The following SMARCAD1 variants were observed in gnomAD, a reference collection of about 807,000 sequenced individuals.
The protein encoded by SMARCAD1 is SWI/SNF-related matrix-associated actin-dependent regulator of chromatin subfamily A containing DEAD/H box 1.
In SMARCAD1, 25 loss-of-function variants were observed where a neutral mutation model predicts 127.1. That is an observed-to-expected ratio of 0.20 (90% CI 0.14 to 0.27). SMARCAD1 has a LOEUF of 0.27. Ranked by LOEUF, SMARCAD1 falls within the 10% of genes least tolerant of loss-of-function variation. SMARCAD1 has a pLI of 1.00. For synonymous variants in SMARCAD1, 400 were observed against 396.9 expected, an observed-to-expected ratio of 1.01 and a Z score of -0.09; for missense variants, 807 against 1,206.0, an observed-to-expected ratio of 0.67 and a Z score of 4.90.
At chr4:94,264,251 T>C (rs1300418881) in intron 9 of SMARCAD1, among the ~76,000 whole-genome samples, 1 of 151,948 alleles carries the variant, frequency 6.6e-6, no homozygotes, top group Non-Finnish European at 1.5e-5. Context: ...AATCTTAATA[T>C]GTAATAGTCA....
chr4:94,276,022 C>A (rs891440790), intron 14 of SMARCAD1, among the ~76,000 whole-genome samples: 17 of 152,004 alleles, frequency 1.1e-4, no homozygotes, highest in Non-Finnish European at 2.2e-4. Context: ...TGGTCTCGAT[C>A]TTCTGACCTC....
Position 94,290,504 on chromosome 4 carries a change from T to A in SMARCAD1, c.*970T>A. 1 of 454,506 alleles carries A rather than the reference T, an allele frequency of 2.2e-6. No homozygotes were observed. Among genetic ancestry groups the A allele is most frequent in the Non-Finnish European group, 4.4e-6 (1 of 226,758 alleles). 28.2% of individuals were successfully genotyped at this position (454,506 alleles called of 1,614,324 possible). On this transcript the variant is annotated 3_prime_UTR_variant, in exon 24 of 24. Coordinates refer to ENST00000354268, the MANE Select transcript of SMARCAD1 (RefSeq NM_020159.5). ...GACTTCATCTAAAGGCAGCATTAGG[T>A]ACTGCATGGAAATAGGTCATTAACT... is the stretch of plus-strand genomic sequence containing the variant.
At chr4:94,245,269 T>A (rs1244615073) in intron 6 of SMARCAD1, among the ~76,000 whole-genome samples, 1 of 152,236 alleles carries the variant, frequency 6.6e-6, no homozygotes, top group African/African-American at 2.4e-5. Context: ...TGCTTATGGC[T>A]GTATGGATGC....
Position 94,233,943 on chromosome 4 carries a change from A to C in SMARCAD1, c.369-11A>C. ...TAAAAATGTTTTTTGCTCCTCTAAA[A>C]ATATTTTTAGTTCTGAGCCATCTGA... On this transcript the variant is annotated splice_polypyrimidine_tract_variant and intron_variant, in intron 3 of 23. Coordinates refer to ENST00000354268, the MANE Select transcript of SMARCAD1 (RefSeq NM_020159.5). The C allele has an allele frequency of 6.2e-7, 1 of 1,613,398 alleles. No individual in the cohort carries two copies. Among genetic ancestry groups the C allele is most frequent in the Non-Finnish European group, 8.5e-7 (1 of 1,179,576 alleles).
intron 21 of SMARCAD1, among the ~76,000 whole-genome samples, chr4:94,282,332 G>A (rs528505344): frequency 2.3e-4 from 34 of 150,914 alleles, no homozygotes; most frequent in African/African-American, 6.8e-4. Context: ...TCCTGACCTC[G>A]TGATCCGCCC....
At chr4:94,214,352 C>G (rs530533711) in intron 2 of SMARCAD1, among the ~76,000 whole-genome samples, 1 of 150,112 alleles carries the variant, frequency 6.7e-6, no homozygotes, top group African/African-American at 2.5e-5. Flanking sequence ...AATCTCTGCT[C>G]TCGGGTTCAT....
At chr4:94,256,583 G>A (rs1048456233) in intron 9 of SMARCAD1, among the ~76,000 whole-genome samples, 1 of 152,130 alleles carries the variant, frequency 6.6e-6, no homozygotes, top group Admixed American at 6.5e-5. Context: ...GGCTGGGCTG[G>A]AACTGCTGAC....
intron 23 of SMARCAD1, among the ~76,000 whole-genome samples, chr4:94,286,307 A>G (rs1383260977): frequency 3.3e-5 from 5 of 152,198 alleles, no homozygotes; most frequent in African/African-American, 4.8e-5. Flanking sequence ...CCTCAGACTC[A>G]TGTTCTCCAA....
Position 94,281,519 on chromosome 4 carries a change from C to T in SMARCAD1, c.2655C>T (p.Ile885=). The change falls in exon 21 of 24, where the codon ATC becomes ATT. Residue 885 remains isoleucine, a synonymous_variant. Coordinates refer to ENST00000354268, the MANE Select transcript of SMARCAD1 (RefSeq NM_020159.5). The stretch of plus-strand genomic sequence containing the variant: ...GCCAATTTACCATGATGCTGGATAT[C>T]TTAGAGGTTCTATTAAAACATCATC... ...LFSQFTMMLD[I]LEVLLKHHQH... 1 of 1,613,266 alleles carries T rather than the reference C, an allele frequency of 6.2e-7. No homozygotes were observed. The highest frequency in any genetic ancestry group is 8.5e-7 in the Non-Finnish European group (1 of 1,179,492).
rs551757236 is a variant in SMARCAD1 at position 94,249,766 on chromosome 4, G to A, written c.807+11G>A. The A allele has an allele frequency of 3.5e-5, 52 of 1,466,922 alleles. No homozygotes were observed. The South Asian group carries it at 4.0e-4, about 11-fold the overall frequency. The allele number at this position is 1,466,922 out of a possible 1,614,324, so 90.9% of individuals were successfully genotyped here. On this transcript the variant is annotated intron_variant, in intron 7 of 23. Coordinates refer to ENST00000354268, the MANE Select transcript of SMARCAD1 (RefSeq NM_020159.5). ...AATTTTGATAAACAGGTGAGTAGTC[G>A]TGTATGAAAATTTAATCAGTGTGTA...
intron 2 of SMARCAD1, among the ~76,000 whole-genome samples, chr4:94,223,258 G>C (rs1744446330): frequency 6.6e-6 from 1 of 152,052 alleles, no homozygotes; most frequent in African/African-American, 2.4e-5. Context: ...ACTTTGGGAG[G>C]CCGAGGCAGG....
At chr4:94,243,886 T>G (rs1418015402) in intron 6 of SMARCAD1, among the ~76,000 whole-genome samples, 1 of 152,172 alleles carries the variant, frequency 6.6e-6, no homozygotes, top group Non-Finnish European at 1.5e-5. Context: ...GGTTCAAAAA[T>G]GCCACACAGT....
At chr4:94,245,880 C>T (rs1348832026) in intron 6 of SMARCAD1, among the ~76,000 whole-genome samples, 1 of 152,168 alleles carries the variant, frequency 6.6e-6, no homozygotes, top group Non-Finnish European at 1.5e-5. Flanking sequence ...TGTGTCACAG[C>T]AAAACTGACT....
At chr4:94,232,362 G>A (rs1223746913) in intron 3 of SMARCAD1, among the ~76,000 whole-genome samples, 1 of 152,182 alleles carries the variant, frequency 6.6e-6, no homozygotes, top group East Asian at 1.9e-4. Flanking sequence ...ATCTTTGAAA[G>A]TGGTTATCCA....
intron 2 of SMARCAD1, among the ~76,000 whole-genome samples, chr4:94,210,463 T>C (rs374109918): frequency 6.6e-6 from 1 of 152,150 alleles, no homozygotes; most frequent in Non-Finnish European, 1.5e-5. Flanking sequence ...GTTTTAAAAG[T>C]CAGTTTAGCA....
intron 16 of SMARCAD1, 33 bp from the exon 17 acceptor site, chr4:94,278,389 A>T: frequency 1.9e-6 from 3 of 1,542,398 alleles, no homozygotes; most frequent in Non-Finnish European, 2.7e-6. Flanking sequence ...TAAGTGAATA[A>T]TTCCTAAAAG....
At position 94,270,729 on chromosome 4, in the gene SMARCAD1, T is replaced by C; in HGVS notation, c.1483T>C (p.Leu495=). ...IEQPSILNQS[L]SLKPYQKVGL... The stretch of plus-strand genomic sequence containing the variant: ...ATTTGGTAACTCTCTCTTTACCAGT[T>C]TGTCACTCAAGCCCTATCAGAAGGT... The change falls in exon 11 of 24, where the codon TTG becomes CTG. Residue 495 remains leucine, a splice_region_variant and synonymous_variant. Coordinates refer to ENST00000354268, the MANE Select transcript of SMARCAD1 (RefSeq NM_020159.5). 6.2e-7 allele frequency: 1 copy of C among 1,612,640 alleles called. No homozygotes were observed. The highest frequency in any genetic ancestry group is 8.5e-7 in the Non-Finnish European group (1 of 1,178,802).
chr4:94,264,791 A>G lies in SMARCAD1; in HGVS notation c.1366A>G (p.Ile456Val). Reference sequence around the variant, plus strand: ...ACTGATCCAAGAAAGAGATGTAGTTATAAGGCTTATGAACAAATGTGAAGA... The same window carrying G: ...ACTGATCCAAGAAAGAGATGTAGTTGTAAGGCTTATGAACAAATGTGAAGA... ...KTLIQERDVV[I>V]RLMNKCEDIS... is the part of the protein sequence containing the mutation. The change falls in exon 10 of 24, where the codon ATA becomes GTA. Residue 456 changes from isoleucine to valine, a missense_variant. This residue lies in a region of SMARCAD1 where 257 missense variants were observed against 303.4 expected (regional missense o/e 0.85). Transcript: ENST00000354268. 1.2e-6 allele frequency: 2 copies of G among 1,612,972 alleles called. No individual in the cohort carries two copies. The highest frequency in any genetic ancestry group is 8.5e-7 in the Non-Finnish European group (1 of 1,179,264).
intron 20 of SMARCAD1, among the ~76,000 whole-genome samples, chr4:94,281,112 C>T (rs953119088): frequency 7.2e-5 from 11 of 152,080 alleles, no homozygotes; most frequent in Admixed American, 5.9e-4. Flanking sequence ...GTAATGCTGC[C>T]GTTTATGTGT....
Sources: gnomAD v4.1 joint callset for allele counts (sites outside exome capture counted in the v4.1 genomes callset) on GRCh38, gnomAD v4.1.1 for gene constraint, gnomAD v4.1.1 regional missense constraint, MANE v1.5 for transcripts, NCBI Gene and HGNC (gene_info 2026-07-23, HGNC 2026-07-21) for gene names.